RIMBP2: variants seen among roughly 807,000 people sequenced by gnomAD.
RIMBP2 encodes RIMS-binding protein 2.
Under a neutral mutation model 118.6 loss-of-function variants are expected in RIMBP2, and 48 were observed. The observed-to-expected ratio is 0.40, with a 90% CI of 0.32 to 0.51. The LOEUF is 0.51. Ranked by LOEUF, RIMBP2 falls within the 20% of genes least tolerant of loss-of-function variation. The pLI, the probability that RIMBP2 is intolerant of heterozygous loss-of-function variation, is 0.41. For missense variants in RIMBP2, 1,551 were observed against 1,768.3 expected (o/e 0.88, Z 2.20); for synonymous variants, 762 against 742.9 (o/e 1.03, Z -0.42).
chr12:130,618,592 C>T (rs531752459), intron 2 of RIMBP2, among the ~76,000 whole-genome samples: 12 of 152,050 alleles, frequency 7.9e-5, no homozygotes, highest in Non-Finnish European at 1.0e-4. Flanking sequence ...GCTGTGGGCT[C>T]CCAGGAGTTC....
In RIMBP2 at chr12:130,603,273, A is replaced by C. The variant is rs535368686; in HGVS notation, c.-217+25049T>G. 3.3e-5 allele frequency among the ~76,000 whole-genome samples: 5 copies of C among 152,298 alleles called. No homozygotes were observed. The South Asian group carries it at 1.0e-3, about 32-fold the overall frequency. ...TGCCCACCTGTACAGAACTGGCAGGATCATCAGTCAGTTGGCCCAGCTGCT... is the reference window on the plus strand; with the variant it reads ...TGCCCACCTGTACAGAACTGGCAGGCTCATCAGTCAGTTGGCCCAGCTGCT... On this transcript the variant is annotated intron_variant, in intron 2 of 22. Transcript: ENST00000690449.
At chr12:130,667,018 GGAGAGA>G (rs2063951310) in intron 1 of RIMBP2, among the ~76,000 whole-genome samples, 3 of 61,470 alleles carry the variant, frequency 4.9e-5, no homozygotes, top group Non-Finnish European at 7.4e-5. Flanking sequence ...AGGGAGGGAG[GGAGAGA>G]AAGAAGAAGA....
chr12:130,479,902 G>A (rs1159917966), intron 4 of RIMBP2, among the ~76,000 whole-genome samples: 2 of 151,574 alleles, frequency 1.3e-5, no homozygotes, highest in African/African-American at 2.4e-5. Context: ...TGCCCTCTGC[G>A]GGCCCTTCCC....
At chr12:130,595,860 T>C (rs970848257) in intron 2 of RIMBP2, among the ~76,000 whole-genome samples, 8 of 152,240 alleles carry the variant, frequency 5.3e-5, no homozygotes, top group African/African-American at 1.9e-4. Context: ...AAATCAAGTG[T>C]GCAAGGAGCT....
intron 1 of RIMBP2, among the ~76,000 whole-genome samples, chr12:130,662,429 G>A (rs1341619994): frequency 5.9e-5 from 9 of 152,150 alleles, no homozygotes; most frequent in African/African-American, 1.2e-4. Flanking sequence ...AGGTTGAGGC[G>A]TGTGGATGAC....
intron 1 of RIMBP2, among the ~76,000 whole-genome samples, chr12:130,649,120 G>A (rs2136254013): frequency 6.8e-6 from 1 of 146,034 alleles, no homozygotes; most frequent in East Asian, 1.9e-4. Context: ...TCAGTCGGAG[G>A]TGGGTATGGA....
At chr12:130,660,936 T>C (rs930842006) in intron 1 of RIMBP2, among the ~76,000 whole-genome samples, 1 of 152,068 alleles carries the variant, frequency 6.6e-6, no homozygotes, top group Non-Finnish European at 1.5e-5. Flanking sequence ...ATGACATAAT[T>C]GGCCCAGCAC....
chr12:130,619,295 G>A (rs1029941351), intron 2 of RIMBP2, among the ~76,000 whole-genome samples: 3 of 152,232 alleles, frequency 2.0e-5, no homozygotes, highest in Non-Finnish European at 4.4e-5. Context: ...CACGATTTCA[G>A]GCAGTGGAGG....
In RIMBP2 at chr12:130,479,153, C is replaced by A. The variant is rs1010085000; in HGVS notation, c.-3-137G>T. ...CCCTCACCGCCCCACAGGGCACCCA[C>A]CTCCGTGCTGCCAACAGGGCTCCTC... On this transcript the variant is annotated intron_variant, in intron 4 of 22. Coordinates refer to ENST00000690449, the MANE Select transcript of RIMBP2 (RefSeq NM_001393629.1). The A allele has an allele frequency of 2.6e-5, 15 of 576,214 alleles. 1 individual carries two copies. In the Admixed American group the frequency reaches 2.9e-4, roughly 11 times the overall value. 35.7% of individuals were successfully genotyped at this position (576,214 alleles called of 1,614,324 possible).
chr12:130,433,151 A>G (rs1199419138), intron 14 of RIMBP2, among the ~76,000 whole-genome samples: 7 of 152,184 alleles, frequency 4.6e-5, no homozygotes, highest in Non-Finnish European at 1.0e-4. Context: ...CCGGCCTTAC[A>G]CACACTCTTT....
At chr12:130,415,163 G>A (rs2076026729) in intron 17 of RIMBP2, among the ~76,000 whole-genome samples, 1 of 152,150 alleles carries the variant, frequency 6.6e-6, no homozygotes, top group Non-Finnish European at 1.5e-5. Context: ...TAAAATACTA[G>A]CAAACTGAAT....
rs1434333976 is a variant in RIMBP2, at chr12:130,450,571, C to T, written c.505-295G>A. 6.6e-6 allele frequency among the ~76,000 whole-genome samples: 1 copy of T among 152,024 alleles called. No homozygotes were observed. The highest frequency in any genetic ancestry group is 1.9e-4 in the East Asian group (1 of 5,142). ...CCGCCCAGTGTCTCCTACAGCAATC[C>T]CGGGAGTCAGCGGCGTGGCCTTTTC... is the stretch of plus-strand genomic sequence containing the variant. On this transcript the variant is annotated intron_variant, in intron 8 of 22. Coordinates refer to ENST00000690449, the MANE Select transcript of RIMBP2 (RefSeq NM_001393629.1). The surrounding 1 kb of genome is among the most constrained non-coding windows in gnomAD (Gnocchi z 4.8).
chr12:130,451,713 G>A (rs1052476053), intron 7 of RIMBP2, among the ~76,000 whole-genome samples: 1 of 152,258 alleles, frequency 6.6e-6, no homozygotes, highest in African/African-American at 2.4e-5. Context: ...CGAGAGGAAC[G>A]CTCACGTGAG....
chr12:130,606,867 T>C (rs1201146554), intron 2 of RIMBP2, among the ~76,000 whole-genome samples: 1 of 152,212 alleles, frequency 6.6e-6, no homozygotes, highest in Non-Finnish European at 1.5e-5. Flanking sequence ...AGTCTTGCTC[T>C]GTCGCCCAGG....
chr12:130,710,407 C>T lies in RIMBP2; in HGVS notation c.-352+5815G>A, dbSNP rs988464234. Among the ~76,000 whole-genome samples, 2 of 152,108 alleles carry T rather than the reference C, an allele frequency of 1.3e-5. No homozygotes were observed. The highest frequency in any genetic ancestry group is 6.5e-5 in the Admixed American group (1 of 15,288). Reference sequence around the variant, plus strand: ...TGTAGTGATTATTCATTCACTTGCCCGTTGTCTTACACATGCACACACACA... The same window carrying T: ...TGTAGTGATTATTCATTCACTTGCCTGTTGTCTTACACATGCACACACACA... On this transcript the variant is annotated intron_variant, in intron 1 of 22. Transcript: ENST00000690449. The surrounding 1 kb of genome is among the most constrained non-coding windows in gnomAD (Gnocchi z 4.3).
At chr12:130,614,374 A>G (rs1484996072) in intron 2 of RIMBP2, among the ~76,000 whole-genome samples, 2 of 152,204 alleles carry the variant, frequency 1.3e-5, no homozygotes, top group East Asian at 3.9e-4. Context: ...AACCGACGAC[A>G]TTCCCTCTGC....
intron 17 of RIMBP2, among the ~76,000 whole-genome samples, chr12:130,416,773 G>C (rs188098499): frequency 6.6e-6 from 1 of 152,092 alleles, no homozygotes; most frequent in Non-Finnish European, 1.5e-5. Flanking sequence ...TCAACAGAGT[G>C]AACAACACCC....
At chr12:130,563,723 A>G (rs2139934960) in intron 2 of RIMBP2, among the ~76,000 whole-genome samples, 1 of 152,320 alleles carries the variant, frequency 6.6e-6, no homozygotes, top group Middle Eastern at 3.4e-3. Context: ...CCAAATGTAC[A>G]TTGACTAGAA....
chr12:130,458,918 C>T (rs1225429475), intron 6 of RIMBP2, among the ~76,000 whole-genome samples: 1 of 151,708 alleles, frequency 6.6e-6, no homozygotes, highest in Admixed American at 6.6e-5. Context: ...GAGACACGCG[C>T]CTGTAGTCCC....
Sources: gnomAD v4.1 joint callset for allele counts (sites outside exome capture counted in the v4.1 genomes callset) on GRCh38, gnomAD v4.1.1 for gene constraint, Gnocchi (gnomAD v3.1) non-coding constraint, MANE v1.5 for transcripts, NCBI Gene and HGNC (gene_info 2026-07-23, HGNC 2026-07-21) for gene names.